SAMMSON: variants seen among roughly 807,000 people sequenced by gnomAD.
SAMMSON encodes survival associated mitochondrial melanoma specific oncogenic non-coding RNA.
chr3:70,208,056 A>G (rs1701309361), intron 4 of SAMMSON, among the ~76,000 whole-genome samples: 1 of 152,066 alleles, frequency 6.6e-6, no homozygotes, highest in African/African-American at 2.4e-5. Flanking sequence ...TATAAAAGAG[A>G]AGCATATCAT....
intron 4 of SAMMSON, among the ~76,000 whole-genome samples, chr3:70,223,830 G>A (rs1408190108): frequency 6.6e-6 from 1 of 152,068 alleles, no homozygotes; most frequent in Non-Finnish European, 1.5e-5. Context: ...AGGTGAATTT[G>A]CTTTTAGGCA....
intron 4 of SAMMSON, among the ~76,000 whole-genome samples, chr3:70,237,319 T>G (rs1204440236): frequency 6.6e-6 from 1 of 152,232 alleles, no homozygotes; most frequent in African/African-American, 2.4e-5. Flanking sequence ...TATTAATGAA[T>G]GCTTAAACAC....
intron 4 of SAMMSON, among the ~76,000 whole-genome samples, chr3:70,114,063 C>G (rs2067400263): frequency 6.6e-6 from 1 of 152,150 alleles, no homozygotes. Context: ...CAATAGGGTT[C>G]CCTGACGAGG....
chr3:70,254,628 T>C (rs1409374786), intron 6 of SAMMSON, among the ~76,000 whole-genome samples: 3 of 152,220 alleles, frequency 2.0e-5, no homozygotes, highest in Non-Finnish European at 4.4e-5. Flanking sequence ...TTTTCCACTA[T>C]GAAATCAGGG....
At chr3:70,142,266 A>T (rs758485882) in intron 4 of SAMMSON, among the ~76,000 whole-genome samples, 1 of 152,242 alleles carries the variant, frequency 6.6e-6, no homozygotes, top group Non-Finnish European at 1.5e-5. Context: ...AATTGCGAAA[A>T]CATGGAACCA....
At chr3:70,306,910 A>G (rs767576854) in intron 7 of SAMMSON, among the ~76,000 whole-genome samples, 7 of 152,182 alleles carry the variant, frequency 4.6e-5, no homozygotes, top group Non-Finnish European at 7.3e-5. Context: ...ATATGCATAT[A>G]TATGTACATA....
intron 3 of SAMMSON, chr3:70,068,201 C>T (rs937133285): frequency 1.3e-5 from 2 of 151,924 alleles, no homozygotes; most frequent in African/African-American, 4.8e-5. Context: ...GTTATAGAAC[C>T]GCTGCATTTA....
intron 4 of SAMMSON, among the ~76,000 whole-genome samples, chr3:70,244,385 T>C (rs571207631): frequency 1.3e-5 from 2 of 152,232 alleles, no homozygotes; most frequent in African/African-American, 4.8e-5. Context: ...GGCAGTCTTA[T>C]GGGCCTGTCA....
intron 1 of SAMMSON, among the ~76,000 whole-genome samples, chr3:70,003,909 G>C (rs1486609834): frequency 6.6e-6 from 1 of 151,910 alleles, no homozygotes; most frequent in African/African-American, 2.4e-5. Flanking sequence ...AGTTTGACAG[G>C]TGATAATGGT....
At position 70,018,320 on chromosome 3, in the gene SAMMSON, A is replaced by G. The variant is rs1576097851; in HGVS notation, n.417+4648A>G. Among the ~76,000 whole-genome samples the G allele has an allele frequency of 2.0e-5, 3 of 152,076 alleles. No individual in the cohort carries two copies. The East Asian group carries it at 5.8e-4, about 29-fold the overall frequency. On this transcript the variant is annotated intron_variant and non_coding_transcript_variant, in intron 3 of 9. Transcript: ENST00000642114. ...TCCTGGTTTATTCTTGGGAGGGTGT[A>G]TGTGCTGAGGAATTTATCCATTTCT...
intron 6 of SAMMSON, among the ~76,000 whole-genome samples, chr3:70,271,061 A>T (rs1289045598): frequency 6.6e-6 from 1 of 152,218 alleles, no homozygotes; most frequent in Admixed American, 6.5e-5. Context: ...GAAAATAAAA[A>T]AAAACAGTAA....
chr3:70,193,917 C>T (rs565472818), intron 4 of SAMMSON, among the ~76,000 whole-genome samples: 2 of 152,268 alleles, frequency 1.3e-5, no homozygotes, highest in Admixed American at 6.5e-5. Flanking sequence ...TAAAGTTTCT[C>T]TGCCTGGATG....
At chr3:70,287,760 T>C (rs1476986795) in intron 6 of SAMMSON, among the ~76,000 whole-genome samples, 7 of 151,622 alleles carry the variant, frequency 4.6e-5, no homozygotes, top group Admixed American at 3.9e-4. Context: ...TATTCAGAGA[T>C]TCAACTTCTT....
At chr3:70,174,517 T>C (rs1341857720) in intron 4 of SAMMSON, among the ~76,000 whole-genome samples, 1 of 151,930 alleles carries the variant, frequency 6.6e-6, no homozygotes, top group Non-Finnish European at 1.5e-5. Context: ...CTGGAAGTGG[T>C]TGTAGATATT....
chr3:70,142,460 C>T (rs997301281), intron 4 of SAMMSON, among the ~76,000 whole-genome samples: 16 of 152,138 alleles, frequency 1.1e-4, no homozygotes, highest in Non-Finnish European at 2.2e-4. Flanking sequence ...ATCATATGTT[C>T]TCACTCATAA....
intron 7 of SAMMSON, among the ~76,000 whole-genome samples, chr3:70,327,644 C>T (rs1382832332): frequency 6.6e-6 from 1 of 152,148 alleles, no homozygotes; most frequent in Non-Finnish European, 1.5e-5. Context: ...AGAACCACAG[C>T]CAGAGCTCAC....
At chr3:70,426,385 A>G (rs948303520) in intron 2 of SAMMSON, among the ~76,000 whole-genome samples, 10 of 152,264 alleles carry the variant, frequency 6.6e-5, no homozygotes, top group African/African-American at 2.4e-4. Flanking sequence ...TGGAAGAGGA[A>G]CTATAAACAC....
At chr3:70,337,057 ATT>A (rs1702668051) in intron 7 of SAMMSON, among the ~76,000 whole-genome samples, 3 of 82,816 alleles carry the variant, frequency 3.6e-5, no homozygotes, top group Non-Finnish European at 6.6e-5. Flanking sequence ...TATTATTATT[ATT>A]AATAATAATA....
At chr3:70,314,201 C>G (rs1011129791) in intron 7 of SAMMSON, among the ~76,000 whole-genome samples, 2 of 152,124 alleles carry the variant, frequency 1.3e-5, no homozygotes, top group Non-Finnish European at 2.9e-5. Flanking sequence ...AAGGGCCTAG[C>G]CTCTATCTCA....
Sources: allele counts gnomAD v4.1 joint callset (sites outside exome capture counted in the v4.1 genomes callset), GRCh38; gene constraint gnomAD v4.1.1; transcripts MANE v1.5; gene names NCBI Gene and HGNC (gene_info 2026-07-23, HGNC 2026-07-21).